TCN2: variants seen among roughly 807,000 people sequenced by gnomAD.
TCN2 encodes the protein transcobalamin-2.
Under a neutral mutation model 48.6 loss-of-function variants are expected in TCN2, and 34 were observed. The ratio of observed to expected loss-of-function variants is 0.70; its 90% confidence interval spans 0.53 to 0.93. TCN2 has a LOEUF of 0.93. Ranked by LOEUF, TCN2 falls within the 40% of genes least tolerant of loss-of-function variation. The pLI is 0.00. For synonymous variants in TCN2, 283 were observed against 212.5 expected (o/e 1.33, Z -2.89); for missense variants, 652 against 526.1 (o/e 1.24, Z -2.34).
rs758543548 is a variant in TCN2, at chr22:30,614,428, G to A, written c.507G>A (p.Lys169=). 8 of 1,614,072 alleles carry A rather than the reference G, an allele frequency of 5.0e-6. No homozygotes were observed. The African/African-American group carries it at 1.1e-4, about 22-fold the overall frequency. ...TTCTGGCCCTGTGTCTCCACCAGAA[G>A]CGGGTCCATGACAGCGTGGTGGACA... ...LGILALCLHQ[K]RVHDSVVDKL... Residue 169 remains lysine (K), a synonymous_variant, in exon 4 of 9, where the codon AAG becomes AAA. Transcript: ENST00000215838.
At chr22:30,608,418 C>T (rs1019321976) in intron 1 of TCN2, among the ~76,000 whole-genome samples, 5 of 152,032 alleles carry the variant, frequency 3.3e-5, no homozygotes, top group African/African-American at 9.7e-5. Flanking sequence ...GAGAGGTTCT[C>T]CCTCTGTTGC....
At chr22:30,623,803 T>TGTATACGTATATATAC (rs2087742510) in intron 8 of TCN2, among the ~76,000 whole-genome samples, 14 of 61,520 alleles carry the variant, frequency 2.3e-4, no homozygotes, top group Non-Finnish European at 2.6e-4. Context: ...TATACACACA[T>TGTATACGTATATATAC]ACACATATAT....
chr22:30,623,042 T>C lies in TCN2; in HGVS notation c.1181T>C (p.Phe394Ser), dbSNP rs1315650830. ...VMGKAAGERE[F>S]WQLLRDPNTP... Reference sequence around the variant, plus strand: ...GGGAAAGCGGCCGGAGAAAGGGAGTTCTGGCAGCTTCTCCGAGACCCCAAC... The same window carrying C: ...GGGAAAGCGGCCGGAGAAAGGGAGTCCTGGCAGCTTCTCCGAGACCCCAAC... Residue 394 changes from phenylalanine (F) to serine (S), a missense_variant, in exon 8 of 9, where the codon TTC becomes TCC. Transcript: ENST00000215838. 2 of 1,613,904 alleles carry C rather than the reference T, an allele frequency of 1.2e-6. No homozygotes were observed. Among genetic ancestry groups the C allele is most frequent in the South Asian group, 1.1e-5 (1 of 91,064 alleles).
chr22:30,618,274 T>G (rs1055725913), intron 7 of TCN2, among the ~76,000 whole-genome samples: 7 of 22,772 alleles, frequency 3.1e-4, no homozygotes, highest in African/African-American at 9.1e-4. Flanking sequence ...TTTTTTTTGT[T>G]TTTTTTTTTG....
At position 30,615,292 on chromosome 22, in the gene TCN2, C is replaced by G. The variant is rs775953548; in HGVS notation, c.581-9C>G. ...CCAGCTCATTGCATGTTCTGTCCCC[C>G]ACTTCAAGACACAGCAGCCATGGCA... On this transcript the variant is annotated splice_polypyrimidine_tract_variant and intron_variant, in intron 4 of 8. Coordinates refer to ENST00000215838, the MANE Select transcript of TCN2 (RefSeq NM_000355.4). 4 of 1,614,064 alleles carry G rather than the reference C, an allele frequency of 2.5e-6. No homozygotes were observed. The African/African-American group carries it at 5.3e-5, about 22-fold the overall frequency.
intron 2 of TCN2, 119 bp downstream of exon 2, chr22:30,611,182 T>C: frequency 8.1e-7 from 1 of 1,234,018 alleles, no homozygotes; most frequent in South Asian, 1.2e-5. Flanking sequence ...TTTCTCCATC[T>C]ATAGAATGGA....
At chr22:30,610,476 TTC>T (rs2087520169) in intron 1 of TCN2, 7 of 376,258 alleles carry the variant, frequency 1.9e-5, no homozygotes, top group South Asian at 8.2e-5. Flanking sequence ...GACTTTGAAC[TTC>T]TGTTTCCTCT....
In TCN2 at chr22:30,626,835, C is replaced by CA. The variant is rs1653093875; in HGVS notation, c.*314_*315insA. Reference sequence around the variant, plus strand: ...GCATCTCAGACTCCTTGGCAAAAAACGGAGTCCGCAGGCCGCAGGTGTTGT... The same window carrying CA: ...GCATCTCAGACTCCTTGGCAAAAAACAGGAGTCCGCAGGCCGCAGGTGTTGT... On this transcript the variant is annotated 3_prime_UTR_variant, in exon 9 of 9. Transcript: ENST00000215838. 2 of 476,652 alleles carry CA rather than the reference C, an allele frequency of 4.2e-6. No homozygotes were observed. Among genetic ancestry groups the CA allele is most frequent in the African/African-American group, 4.0e-5 (2 of 50,544 alleles). 29.5% of individuals were successfully genotyped at this position (476,652 alleles called of 1,614,324 possible). A position where few individuals can be genotyped will look rare whatever the true frequency, so the allele number is the denominator to read the frequency against.
chr22:30,623,758 GTATATATA>G (rs57689489), intron 8 of TCN2, among the ~76,000 whole-genome samples: 1 of 67,606 alleles, frequency 1.5e-5, no homozygotes, highest in Non-Finnish European at 2.5e-5. Flanking sequence ...ACATATATAT[GTATATATA>G]TATACACACA....
In TCN2 at chr22:30,626,790, C is replaced by A; in HGVS notation, c.*269C>A. 1 of 573,492 alleles carries A rather than the reference C, an allele frequency of 1.7e-6. No homozygotes were observed. Among genetic ancestry groups the A allele is most frequent in the East Asian group, 2.9e-5 (1 of 33,992 alleles). The allele number at this position is 573,492 out of a possible 1,614,324, so 35.5% of individuals were successfully genotyped here. On this transcript the variant is annotated 3_prime_UTR_variant, in exon 9 of 9. Transcript: ENST00000215838. ...TGCAGGTCTCCCATGAAGGCCACCC[C>A]ATGGTCTGATGGGCATGAAGCATCT...
intron 7 of TCN2, among the ~76,000 whole-genome samples, chr22:30,618,685 C>T (rs905594607): frequency 1.3e-5 from 2 of 151,980 alleles, no homozygotes; most frequent in Non-Finnish European, 2.9e-5. Flanking sequence ...TCTCTGTTAT[C>T]CAGGCTGAAG....
chr22:30,612,639 A>G (rs775310078), intron 2 of TCN2, among the ~76,000 whole-genome samples: 6 of 152,224 alleles, frequency 3.9e-5, no homozygotes, highest in Non-Finnish European at 7.3e-5. Context: ...GGCACAGATG[A>G]TCTGGACACA....
intron 2 of TCN2, among the ~76,000 whole-genome samples, chr22:30,612,253 AAAAAT>A (rs2087552482): frequency 6.6e-6 from 1 of 151,612 alleles, no homozygotes; most frequent in African/African-American, 2.4e-5. Flanking sequence ...AGTAAAAAAA[AAAAAT>A]AAAAATATGG....
chr22:30,610,892 A>C lies in TCN2; in HGVS notation c.86A>C (p.His29Pro), dbSNP rs778457875. 1 of 1,614,072 alleles carries C rather than the reference A, an allele frequency of 6.2e-7. No individual in the cohort carries two copies. The highest frequency in any genetic ancestry group is 1.7e-5 in the Admixed American group (1 of 59,998). ...TAAGAAATACCAGAGATGGACAGCC[A>C]TCTGGTAGAGAAGTTGGGCCAGCAC... ...EMCEIPEMDS[H>P]LVEKLGQHLL... Residue 29 changes from histidine to proline, a missense_variant, in exon 2 of 9, where the codon CAT becomes CCT. Physicochemically the swap from His to Pro is moderately conservative, Grantham distance 77 (BLOSUM62 -2). Coordinates refer to ENST00000215838, the MANE Select transcript of TCN2 (RefSeq NM_000355.4).
intron 7 of TCN2, among the ~76,000 whole-genome samples, chr22:30,618,271 TG>T (rs1474704489): frequency 1.1e-5 from 1 of 91,306 alleles, no homozygotes; most frequent in African/African-American, 5.9e-5. Context: ...TGGTTTTTTT[TG>T]TTTTTTTTTT....
chr22:30,621,923 C>T (rs1473586791), intron 7 of TCN2, among the ~76,000 whole-genome samples: 1 of 152,264 alleles, frequency 6.6e-6, no homozygotes, highest in Non-Finnish European at 1.5e-5. Flanking sequence ...AGCCCTTCTT[C>T]CAGGGGAAGC....
rs766711932 is a variant in TCN2 at position 30,615,751 on chromosome 22, A to G, written c.904A>G (p.Ile302Val). 8.7e-6 allele frequency: 14 copies of G among 1,614,042 alleles called. No homozygotes were observed. The South Asian group carries it at 8.8e-5, about 10-fold the overall frequency. The change falls in exon 6 of 9, where the codon ATT becomes GTT. Residue 302 changes from isoleucine (I) to valine (V), a missense_variant. By Grantham distance (29) the Ile-to-Val change is conservative (BLOSUM62 3). Coordinates refer to ENST00000215838, the MANE Select transcript of TCN2 (RefSeq NM_000355.4). ...LLPVLNHKTY[I>V]DLIFPDCLAP... ...GCCCGTTCTGAACCACAAGACCTAC[A>G]TTGATCTGATCTTCCCAGACTGTCT...
At chr22:30,624,028 A>ACATATATACACACATACG in intron 8 of TCN2, among the ~76,000 whole-genome samples, 1 of 64,796 alleles carries the variant, frequency 1.5e-5, no homozygotes, top group African/African-American at 1.2e-4. Context: ...ACACACATAT[A>ACATATATACACACATACG]TATGTATACA....
intron 2 of TCN2, 139 bp from the exon 3 acceptor site, chr22:30,612,734 A>G: frequency 9.8e-7 from 1 of 1,020,746 alleles, no homozygotes; most frequent in South Asian, 1.4e-5. Flanking sequence ...CATAGCCAAC[A>G]CACCTCCTTT....
Sources: gnomAD v4.1 joint callset for allele counts (sites outside exome capture counted in the v4.1 genomes callset) on GRCh38, gnomAD v4.1.1 for gene constraint, MANE v1.5 for transcripts, NCBI Gene and HGNC (gene_info 2026-07-23, HGNC 2026-07-21) for gene names.